NAA11: variants seen among roughly 807,000 people sequenced by gnomAD.
NAA11 encodes N-alpha-acetyltransferase 11, NatA catalytic subunit.
Under a neutral mutation model 16.1 loss-of-function variants are expected in NAA11, and 15 were observed. The observed-to-expected ratio is 0.93, with a 90% CI of 0.62 to 1.44. NAA11 has a LOEUF of 1.44. Ranked by LOEUF, NAA11 falls within the 40% of genes most tolerant of loss-of-function variation. The probability of loss-of-function intolerance (pLI) is 0.00; values close to 1 mark genes in which losing one functional copy is unlikely to be tolerated. For synonymous variants in NAA11, 122 were observed against 112.4 expected (o/e 1.09, Z -0.54); for missense variants, 298 against 291.3 (o/e 1.02, Z -0.17).
intron 2 of NAA11, among the ~76,000 whole-genome samples, chr4:79,249,329 C>G (rs1721937011): frequency 6.6e-6 from 1 of 152,174 alleles, no homozygotes; most frequent in African/African-American, 2.4e-5. Flanking sequence ...TATTGACATT[C>G]ATGAGAAAGT....
At chr4:79,168,885 C>A in the NAA11 span, among the ~76,000 whole-genome samples, 1 of 152,102 alleles carries the variant, frequency 6.6e-6, no homozygotes, top group Non-Finnish European at 1.5e-5. Context: ...TCTCCTTAAG[C>A]TGATAAGCAA....
At chr4:79,173,575 C>T in the NAA11 span, among the ~76,000 whole-genome samples, 2 of 151,902 alleles carry the variant, frequency 1.3e-5, no homozygotes, top group Non-Finnish European at 2.9e-5. Flanking sequence ...AATAAAGTCT[C>T]TAGGATTTTG....
intron 2 of NAA11, among the ~76,000 whole-genome samples, chr4:79,277,273 A>G (rs1191443408): frequency 6.6e-6 from 1 of 152,070 alleles, no homozygotes; most frequent in Non-Finnish European, 1.5e-5. Flanking sequence ...CGCAGCCGTT[A>G]TAGGTGTACT....
At chr4:79,251,038 T>C (rs181271075) in intron 2 of NAA11, among the ~76,000 whole-genome samples, 71 of 152,342 alleles carry the variant, frequency 4.7e-4, no homozygotes, top group African/African-American at 1.5e-3. Flanking sequence ...AAATTATTAA[T>C]GGCTCAGCCA....
At chr4:79,188,431 A>T in the NAA11 span, among the ~76,000 whole-genome samples, 1 of 151,936 alleles carries the variant, frequency 6.6e-6, no homozygotes, top group Non-Finnish European at 1.5e-5. Flanking sequence ...TAAAAATACA[A>T]AAAATTAGCC....
At chr4:79,173,854 C>T in the NAA11 span, among the ~76,000 whole-genome samples, 1 of 152,102 alleles carries the variant, frequency 6.6e-6, no homozygotes, top group Non-Finnish European at 1.5e-5. Context: ...TTTTACACAG[C>T]TTTAATGCCT....
chr4:79,170,620 G>A, the NAA11 span, among the ~76,000 whole-genome samples: 22 of 152,112 alleles, frequency 1.4e-4, no homozygotes, highest in African/African-American at 4.8e-4. Flanking sequence ...GTAATTGGTG[G>A]AAAGTTTGCA....
At chr4:79,289,485 G>T (rs1723028771) in intron 2 of NAA11, among the ~76,000 whole-genome samples, 1 of 152,156 alleles carries the variant, frequency 6.6e-6, no homozygotes, top group Non-Finnish European at 1.5e-5. Context: ...TGATAACTTT[G>T]CAATAGTTCT....
the NAA11 span, among the ~76,000 whole-genome samples, chr4:79,158,755 A>G: frequency 6.1e-5 from 9 of 148,720 alleles, no homozygotes; most frequent in Admixed American, 2.0e-4. Flanking sequence ...TGGTACTGGT[A>G]TAAAAATAGG....
At chr4:79,312,813 G>A (rs1006574305), downstream of NAA11, among the ~76,000 whole-genome samples, 4 of 152,074 alleles carry the variant, frequency 2.6e-5, no homozygotes, top group African/African-American at 7.2e-5. Context: ...TTTCGAATAT[G>A]TAAAAATTTT....
intron 2 of NAA11, among the ~76,000 whole-genome samples, chr4:79,268,663 C>G (rs1180893948): frequency 6.6e-6 from 1 of 151,806 alleles, no homozygotes; most frequent in Non-Finnish European, 1.5e-5. Context: ...CTTTCTTCCT[C>G]TAAATTGAAC....
chr4:79,230,884 C>T (rs1162509863), intron 2 of NAA11, among the ~76,000 whole-genome samples: 1 of 151,982 alleles, frequency 6.6e-6, no homozygotes, highest in Non-Finnish European at 1.5e-5. Context: ...TTGGAATTAG[C>T]TATCCTAAAA....
At chr4:79,260,757 A>C (rs1397482658) in intron 2 of NAA11, among the ~76,000 whole-genome samples, 5 of 152,214 alleles carry the variant, frequency 3.3e-5, no homozygotes, top group Admixed American at 3.3e-4. Flanking sequence ...GGAGTCATTT[A>C]TAGTCCTCCA....
chr4:79,224,037 T>A (rs1327969328), downstream of NAA11, among the ~76,000 whole-genome samples: 1 of 152,116 alleles, frequency 6.6e-6, no homozygotes, highest in East Asian at 1.9e-4. Context: ...AAACAACTCT[T>A]CATAGGGTAC....
At chr4:79,176,564 C>A in the NAA11 span, among the ~76,000 whole-genome samples, 1 of 152,140 alleles carries the variant, frequency 6.6e-6, no homozygotes, top group African/African-American at 2.4e-5. Flanking sequence ...TTGTTTGAGG[C>A]CCACCCAGAT....
At position 79,240,890 on chromosome 4, in the gene NAA11, C is replaced by T. The variant is rs149924631; in HGVS notation, c.*123-14620G>A. Among the ~76,000 whole-genome samples, 465 of 151,982 alleles carry T rather than the reference C, an allele frequency of 3.1e-3. 5 individuals carry two copies. Among genetic ancestry groups the T allele is most frequent in the African/African-American group, 0.011 (436 of 41,452 alleles). On this transcript the variant is annotated intron_variant and NMD_transcript_variant, in intron 2 of 2. Transcript: ENST00000511542. ...GAGAAGTATAGCAACTAAAAAACAA[C>T]AACAAAAAAAGGCAGGGTAACTGAG...
chr4:79,258,579 G>A (rs1377409752), intron 2 of NAA11, among the ~76,000 whole-genome samples: 4 of 152,188 alleles, frequency 2.6e-5, no homozygotes, highest in African/African-American at 9.6e-5. Context: ...AGCTGATGGA[G>A]GAACTGAGGG....
At chr4:79,187,871 C>A in the NAA11 span, among the ~76,000 whole-genome samples, 1 of 151,632 alleles carries the variant, frequency 6.6e-6, no homozygotes, top group East Asian at 1.9e-4. Context: ...CGGTGGCGGG[C>A]GCCTGTAGTC....
chr4:79,155,457 T>C, the NAA11 span, among the ~76,000 whole-genome samples: 1 of 152,246 alleles, frequency 6.6e-6, no homozygotes, highest in Non-Finnish European at 1.5e-5. Context: ...TTTCCTTATC[T>C]AATGCCTAAT....
Sources: allele counts gnomAD v4.1 joint callset (sites outside exome capture counted in the v4.1 genomes callset), GRCh38; gene constraint gnomAD v4.1.1; transcripts MANE v1.5; gene names NCBI Gene and HGNC (gene_info 2026-07-23, HGNC 2026-07-21).